TSPAN5: variants seen among roughly 807,000 people sequenced by gnomAD.
The protein encoded by TSPAN5 is tetraspanin-5.
A neutral mutation model predicts 37.1 loss-of-function variants in TSPAN5; 10 were observed. That is an observed-to-expected ratio of 0.27 (90% CI 0.17 to 0.46). TSPAN5 has a LOEUF of 0.46. TSPAN5 is among the 20% of genes least tolerant of loss of function. TSPAN5 has a pLI of 1.00. For synonymous variants in TSPAN5, 110 were observed against 118.9 expected, an observed-to-expected ratio of 0.93 and a Z score of 0.48; for missense variants, 195 against 326.6, an observed-to-expected ratio of 0.60 and a Z score of 3.11.
At chr4:98,484,044 T>TC in intron 3 of TSPAN5, 4 of 188,936 alleles carry the variant, frequency 2.1e-5, no homozygotes, top group South Asian at 2.1e-4. Flanking sequence ...AAGATTTTAA[T>TC]TCAGTTTTTG....
chr4:98,534,526 T>C (rs1229263729), intron 1 of TSPAN5, among the ~76,000 whole-genome samples: 1 of 152,238 alleles, frequency 6.6e-6, no homozygotes, highest in Non-Finnish European at 1.5e-5. Flanking sequence ...TAGATGTCTA[T>C]TAGGTCCGCT....
In TSPAN5 at chr4:98,524,346, T is replaced by C. The variant is rs532044806; in HGVS notation, c.82-16618A>G. Among the ~76,000 whole-genome samples, 9 of 152,290 alleles carry C rather than the reference T, an allele frequency of 5.9e-5. No individual in the cohort carries two copies. In the South Asian group the frequency reaches 6.2e-4, roughly 11 times the overall value. On this transcript the variant is annotated intron_variant, in intron 1 of 7. Coordinates refer to ENST00000305798, the MANE Select transcript of TSPAN5 (RefSeq NM_005723.4). ...ATATTAGGTTCACATTAATTTACAG[T>C]GGTAGCATAATGCTTATGAAAAATA...
rs546076504 is a variant in TSPAN5, at chr4:98,657,131, C to T, written c.81+1015G>A. 2.0e-5 allele frequency among the ~76,000 whole-genome samples: 3 copies of T among 152,262 alleles called. No individual in the cohort carries two copies. In the East Asian group the frequency reaches 5.8e-4, roughly 29 times the overall value. On this transcript the variant is annotated intron_variant, in intron 1 of 7. Coordinates refer to ENST00000305798, the MANE Select transcript of TSPAN5 (RefSeq NM_005723.4). ...GAAGAAAAATAACATGGTCTTTGAA[C>T]CAACGTTTTCCCCTTGTCCTGGAGA...
intron 1 of TSPAN5, among the ~76,000 whole-genome samples, chr4:98,520,186 C>T (rs1198981678): frequency 6.6e-6 from 1 of 151,982 alleles, no homozygotes; most frequent in African/African-American, 2.4e-5. Context: ...CAGCAGGAAA[C>T]CAAGAAAGAG....
chr4:98,592,354 TC>T (rs1207938158), intron 1 of TSPAN5, among the ~76,000 whole-genome samples: 1 of 149,894 alleles, frequency 6.7e-6, no homozygotes, highest in Non-Finnish European at 1.5e-5. Context: ...GAGCCAGTAT[TC>T]AAAAAACCAG....
At chr4:98,485,768 T>TTTTTTTTTTTTTTTTG (rs1752947031) in intron 3 of TSPAN5, among the ~76,000 whole-genome samples, 1 of 145,168 alleles carries the variant, frequency 6.9e-6, no homozygotes, top group African/African-American at 2.7e-5. Context: ...TATGCTTTTT[T>TTTTTTTTTTTTTTTTG]TTTTTTTTTT....
chr4:98,635,041 A>G (rs72688491), intron 1 of TSPAN5, among the ~76,000 whole-genome samples: 2,946 of 152,336 alleles, frequency 0.019, 54 homozygotes, highest in Non-Finnish European at 0.031. Context: ...GCTGCCATTT[A>G]TAACAGGCAC....
chr4:98,529,478 C>T (rs1754035072), intron 1 of TSPAN5, among the ~76,000 whole-genome samples: 1 of 141,752 alleles, frequency 7.1e-6, no homozygotes, highest in South Asian at 2.4e-4. Context: ...TACAATGGAA[C>T]TGGCACAGTT....
chr4:98,526,884 T>C (rs1474427064), intron 1 of TSPAN5, among the ~76,000 whole-genome samples: 1 of 152,230 alleles, frequency 6.6e-6, no homozygotes, highest in African/African-American at 2.4e-5. Flanking sequence ...TGAAGCTTTT[T>C]AGCCTCATGT....
At chr4:98,571,259 C>T (rs1375701637) in intron 1 of TSPAN5, among the ~76,000 whole-genome samples, 1 of 151,962 alleles carries the variant, frequency 6.6e-6, no homozygotes, top group African/African-American at 2.4e-5. Context: ...TGAAGAACCG[C>T]GTGGACCCTG....
intron 1 of TSPAN5, among the ~76,000 whole-genome samples, chr4:98,619,280 T>C (rs1354286623): frequency 1.3e-5 from 2 of 152,238 alleles, no homozygotes; most frequent in Admixed American, 1.3e-4. Context: ...GGCGTCAATA[T>C]GACTGTCTCT....
At chr4:98,502,397 G>C (rs1484434816) in intron 2 of TSPAN5, among the ~76,000 whole-genome samples, 2 of 152,188 alleles carry the variant, frequency 1.3e-5, no homozygotes, top group African/African-American at 4.8e-5. Flanking sequence ...AGGGAAATGA[G>C]GTGGAACTAG....
chr4:98,612,974 C>CGG (rs1560559535), intron 1 of TSPAN5, among the ~76,000 whole-genome samples: 2 of 152,178 alleles, frequency 1.3e-5, no homozygotes, highest in Non-Finnish European at 2.9e-5. Flanking sequence ...TCACAATTTA[C>CGG]AATTATGGTT....
intron 1 of TSPAN5, among the ~76,000 whole-genome samples, chr4:98,644,050 C>T (rs2110281530): frequency 6.6e-6 from 1 of 152,276 alleles, no homozygotes; most frequent in East Asian, 1.9e-4. Context: ...TTTCCTGTTA[C>T]TGAATTACAA....
At chr4:98,512,671 T>A (rs531222128) in intron 1 of TSPAN5, among the ~76,000 whole-genome samples, 2 of 152,370 alleles carry the variant, frequency 1.3e-5, no homozygotes, top group South Asian at 4.1e-4. Context: ...GTTTTCTTCC[T>A]TGCTGAACCT....
At chr4:98,513,858 GCAAATAGATAGA>G (rs1023130111) in intron 1 of TSPAN5, among the ~76,000 whole-genome samples, 2 of 131,610 alleles carry the variant, frequency 1.5e-5, no homozygotes, top group Admixed American at 8.2e-5. Context: ...TTCATAAAAA[GCAAATAGATAGA>G]TAGATAGATA....
intron 1 of TSPAN5, among the ~76,000 whole-genome samples, chr4:98,608,641 C>T (rs1197474958): frequency 1.3e-5 from 2 of 152,092 alleles, no homozygotes; most frequent in Non-Finnish European, 2.9e-5. Context: ...TCAGAGGCAG[C>T]ATGCTTCTCT....
intron 1 of TSPAN5, among the ~76,000 whole-genome samples, chr4:98,523,419 A>G (rs1446285504): frequency 6.6e-6 from 1 of 152,252 alleles, no homozygotes. Flanking sequence ...ATATTAAAAA[A>G]TCAACATGGA....
At chr4:98,559,682 A>G (rs1754836136) in intron 1 of TSPAN5, among the ~76,000 whole-genome samples, 1 of 152,242 alleles carries the variant, frequency 6.6e-6, no homozygotes. Flanking sequence ...TAGACAAGCC[A>G]TAGCCCCTGT....
Sources: allele counts gnomAD v4.1 joint callset (sites outside exome capture counted in the v4.1 genomes callset), GRCh38; gene constraint gnomAD v4.1.1; transcripts MANE v1.5; gene names NCBI Gene and HGNC (gene_info 2026-07-23, HGNC 2026-07-21).